Variants in KCNAB1 observed in about 807,000 individuals in gnomAD.
The protein encoded by KCNAB1 is potassium voltage-gated channel subfamily A regulatory beta subunit 1.
A neutral mutation model predicts 64.6 loss-of-function variants in KCNAB1; 35 were observed. The observed-to-expected ratio is 0.54, with a 90% CI of 0.41 to 0.72. KCNAB1 has a LOEUF of 0.72. Among genes scored for constraint, KCNAB1 ranks in the 30% least tolerant of loss-of-function variants. KCNAB1 has a pLI of 0.00. For missense variants in KCNAB1, 401 were observed against 512.9 expected (o/e 0.78, Z 2.11); for synonymous variants, 177 against 183.8 (o/e 0.96, Z 0.30).
At chr3:156,275,774 C>T (rs183662763) in intron 1 of KCNAB1, among the ~76,000 whole-genome samples, 110 of 152,292 alleles carry the variant, frequency 7.2e-4, no homozygotes, top group Non-Finnish European at 1.4e-3. Flanking sequence ...CTTCTGCCTC[C>T]ACTATTAATT....
intron 2 of KCNAB1, among the ~76,000 whole-genome samples, chr3:156,428,147 G>A (rs1484994280): frequency 6.6e-6 from 1 of 152,100 alleles, no homozygotes; most frequent in African/African-American, 2.4e-5. Flanking sequence ...AGGGTGTTTT[G>A]GAATGAGATT....
At chr3:156,156,006 G>T (rs975917843) in intron 1 of KCNAB1, among the ~76,000 whole-genome samples, 10 of 152,092 alleles carry the variant, frequency 6.6e-5, no homozygotes, top group African/African-American at 2.4e-4. Context: ...GTTTTTATTT[G>T]GGTTTGGCCA....
intron 1 of KCNAB1, among the ~76,000 whole-genome samples, chr3:156,146,834 G>A (rs1715067240): frequency 6.6e-6 from 1 of 152,074 alleles, no homozygotes; most frequent in Non-Finnish European, 1.5e-5. Flanking sequence ...TTCTTAGCTT[G>A]TGGGCCATAC....
chr3:156,124,698 C>T (rs1468207155), intron 1 of KCNAB1, among the ~76,000 whole-genome samples: 6 of 152,048 alleles, frequency 3.9e-5, no homozygotes, highest in Admixed American at 3.9e-4. Flanking sequence ...TTCAAGAATG[C>T]CTATCTTATT....
chr3:156,454,829 G>C (rs1417904751), intron 3 of KCNAB1, among the ~76,000 whole-genome samples: 2 of 152,114 alleles, frequency 1.3e-5, no homozygotes, highest in Non-Finnish European at 2.9e-5. Context: ...CAAGTAAAGT[G>C]CATTATTTCC....
intron 1 of KCNAB1, among the ~76,000 whole-genome samples, chr3:156,167,069 A>C (rs979939059): frequency 6.6e-6 from 1 of 152,190 alleles, no homozygotes; most frequent in East Asian, 1.9e-4. Context: ...GACAGAGTCC[A>C]TGGGACCCCA....
chr3:156,297,873 C>T (rs931346725), intron 1 of KCNAB1, among the ~76,000 whole-genome samples: 1 of 152,114 alleles, frequency 6.6e-6, no homozygotes, highest in Non-Finnish European at 1.5e-5. Flanking sequence ...GGAGAGCTAG[C>T]TCTGTGGCTG....
chr3:156,376,067 G>C (rs567626831), intron 1 of KCNAB1, among the ~76,000 whole-genome samples: 1 of 152,178 alleles, frequency 6.6e-6, no homozygotes, highest in Non-Finnish European at 1.5e-5. Flanking sequence ...CGATCCACCC[G>C]CCTTGGCATC....
At chr3:156,254,803 C>G (rs903940650) in intron 1 of KCNAB1, among the ~76,000 whole-genome samples, 5 of 152,178 alleles carry the variant, frequency 3.3e-5, no homozygotes, top group Non-Finnish European at 7.3e-5. Flanking sequence ...TTCATACAAC[C>G]TCCTTTCCAT....
At chr3:156,158,419 G>A (rs1715884658) in intron 1 of KCNAB1, among the ~76,000 whole-genome samples, 1 of 152,028 alleles carries the variant, frequency 6.6e-6, no homozygotes, top group Non-Finnish European at 1.5e-5. Flanking sequence ...AATTAACCAG[G>A]AGAAAAATTT....
intron 1 of KCNAB1, among the ~76,000 whole-genome samples, chr3:156,306,217 A>C (rs1417719199): frequency 6.6e-6 from 1 of 151,912 alleles, no homozygotes; most frequent in African/African-American, 2.4e-5. Context: ...GATGTGGTGC[A>C]CAGAAGGAGC....
At chr3:156,423,182 C>G (rs1371320452) in intron 2 of KCNAB1, among the ~76,000 whole-genome samples, 1 of 152,156 alleles carries the variant, frequency 6.6e-6, no homozygotes, top group African/African-American at 2.4e-5. Context: ...TGGAGTGGCA[C>G]TGAGCAGACA....
At chr3:156,397,477 T>C (rs145959774) in intron 1 of KCNAB1, among the ~76,000 whole-genome samples, 2,450 of 152,300 alleles carry the variant, frequency 0.016, 24 homozygotes, top group Middle Eastern at 0.027. Context: ...ATGTGGGAAA[T>C]TAAGCTGTCT....
At chr3:156,219,274 A>C (rs1019058529) in intron 1 of KCNAB1, among the ~76,000 whole-genome samples, 1 of 152,090 alleles carries the variant, frequency 6.6e-6, no homozygotes, top group Admixed American at 6.5e-5. Flanking sequence ...TAGAATCACA[A>C]CTTCTGGAAA....
chr3:156,218,657 A>G (rs1715474870), intron 1 of KCNAB1, among the ~76,000 whole-genome samples: 1 of 151,688 alleles, frequency 6.6e-6, no homozygotes, highest in African/African-American at 2.4e-5. Context: ...TGCTACCTCC[A>G]CTGAAGCAGG....
At chr3:156,126,535 G>A (rs953431745) in intron 1 of KCNAB1, among the ~76,000 whole-genome samples, 5 of 152,204 alleles carry the variant, frequency 3.3e-5, no homozygotes, top group Non-Finnish European at 2.9e-5. Flanking sequence ...GGTATCAAAT[G>A]CAGGTATTAG....
chr3:156,334,120 T>C (rs897462900), intron 1 of KCNAB1, among the ~76,000 whole-genome samples: 1 of 152,210 alleles, frequency 6.6e-6, no homozygotes, highest in African/African-American at 2.4e-5. Context: ...CTAAAACTTT[T>C]ATGGTTTTAT....
intron 8 of KCNAB1, among the ~76,000 whole-genome samples, chr3:156,492,590 T>C (rs139410811): frequency 2.6e-5 from 4 of 152,210 alleles, no homozygotes; most frequent in East Asian, 1.9e-4. Flanking sequence ...AGCTTCTGTA[T>C]GACTACAACT....
intron 1 of KCNAB1, among the ~76,000 whole-genome samples, chr3:156,275,245 G>T (rs111950170): frequency 1.2e-4 from 19 of 152,296 alleles, no homozygotes; most frequent in African/African-American, 4.6e-4. Context: ...CATATTAAAT[G>T]TACAATAGCA....
Sources: allele counts gnomAD v4.1 joint callset (sites outside exome capture counted in the v4.1 genomes callset), GRCh38; gene constraint gnomAD v4.1.1; transcripts MANE v1.5; gene names NCBI Gene and HGNC (gene_info 2026-07-23, HGNC 2026-07-21).